Variants in SLC35F3 observed in about 807,000 individuals in gnomAD.
SLC35F3 encodes the protein solute carrier family 35 member F3, also known as putative thiamine transporter SLC35F3.
Under a neutral mutation model 49.9 loss-of-function variants are expected in SLC35F3, and 25 were observed. The observed-to-expected ratio is 0.50, with a 90% confidence interval of 0.37 to 0.70. SLC35F3 has a LOEUF of 0.70. SLC35F3 is among the 30% of genes least tolerant of loss of function. The probability of loss-of-function intolerance (pLI) is 0.00; values close to 1 mark genes in which losing one functional copy is unlikely to be tolerated. For synonymous variants in SLC35F3, 275 were observed against 265.4 expected, an observed-to-expected ratio of 1.04 and a Z score of -0.35; for missense variants, 525 against 639.8, an observed-to-expected ratio of 0.82 and a Z score of 1.94.
intron 2 of SLC35F3, among the ~76,000 whole-genome samples, chr1:234,075,088 C>T (rs1290631022): frequency 2.0e-5 from 3 of 151,986 alleles, no homozygotes; most frequent in African/African-American, 2.4e-5. Flanking sequence ...TGAGATACAC[C>T]GATGAGAGAG....
At chr1:233,912,795 T>C (rs12088494) in intron 2 of SLC35F3, among the ~76,000 whole-genome samples, 2,017 of 152,276 alleles carry the variant, frequency 0.013, 47 homozygotes, top group African/African-American at 0.044. Flanking sequence ...AATTCAAAAC[T>C]TGTGATATGT....
chr1:234,256,181 A>G (rs1489005669), intron 3 of SLC35F3, among the ~76,000 whole-genome samples: 1 of 152,254 alleles, frequency 6.6e-6, no homozygotes, highest in African/African-American at 2.4e-5. Flanking sequence ...GAATCTAAAA[A>G]TGGTGAAAAG....
At chr1:233,950,520 C>G (rs1379055738) in intron 2 of SLC35F3, among the ~76,000 whole-genome samples, 3 of 141,580 alleles carry the variant, frequency 2.1e-5, no homozygotes, top group Non-Finnish European at 4.6e-5. Flanking sequence ...TCCTTCCTTC[C>G]TTTTTCCTTC....
chr1:233,917,567 G>T (rs1229604430), intron 2 of SLC35F3, among the ~76,000 whole-genome samples: 2 of 151,958 alleles, frequency 1.3e-5, no homozygotes, highest in Non-Finnish European at 2.9e-5. Context: ...TTTCTTTCCA[G>T]CTCTAAAAAA....
chr1:234,082,123 A>G (rs1664887030), intron 2 of SLC35F3, among the ~76,000 whole-genome samples: 1 of 151,698 alleles, frequency 6.6e-6, no homozygotes, highest in African/African-American at 2.4e-5. Flanking sequence ...ACTGAATTTT[A>G]TATTAATATA....
intron 2 of SLC35F3, among the ~76,000 whole-genome samples, chr1:234,080,783 C>T (rs1463968583): frequency 1.3e-5 from 2 of 152,122 alleles, no homozygotes; most frequent in African/African-American, 2.4e-5. Context: ...AATGGTTACT[C>T]ACAGGTATAA....
chr1:234,078,725 T>A (rs79948822), intron 2 of SLC35F3, among the ~76,000 whole-genome samples: 3,018 of 152,344 alleles, frequency 0.02, 96 homozygotes, highest in African/African-American at 0.068. Context: ...TAAGTCCTTT[T>A]CTATGGCTAA....
chr1:234,039,488 A>C (rs1365662006), intron 2 of SLC35F3, among the ~76,000 whole-genome samples: 1 of 152,204 alleles, frequency 6.6e-6, no homozygotes, highest in East Asian at 1.9e-4. Context: ...GAGCAACATT[A>C]AACTGTATTC....
At chr1:233,974,889 CGTAAT>C (rs567840101) in intron 2 of SLC35F3, among the ~76,000 whole-genome samples, 59 of 152,252 alleles carry the variant, frequency 3.9e-4, no homozygotes, top group African/African-American at 1.4e-3. Context: ...TACCACATAA[CGTAAT>C]GTTGGAGAAG....
At chr1:234,079,448 G>A (rs1383102689) in intron 2 of SLC35F3, among the ~76,000 whole-genome samples, 1 of 152,094 alleles carries the variant, frequency 6.6e-6, no homozygotes, top group East Asian at 1.9e-4. Flanking sequence ...AGATACTTTG[G>A]ACTTCAGAGT....
chr1:233,929,977 A>T (rs756597671), intron 2 of SLC35F3, among the ~76,000 whole-genome samples: 2 of 152,108 alleles, frequency 1.3e-5, no homozygotes, highest in Non-Finnish European at 2.9e-5. Flanking sequence ...GGTGAGGAAG[A>T]TGACAGAAAT....
At chr1:234,316,767 TC>T (rs1284232281) in intron 5 of SLC35F3, 40 bp downstream of exon 5, 2 of 1,581,612 alleles carry the variant, frequency 1.3e-6, no homozygotes, top group Admixed American at 3.4e-5. Flanking sequence ...GGCTGGGCTC[TC>T]CTCAGCCAGC....
intron 2 of SLC35F3, among the ~76,000 whole-genome samples, chr1:234,029,420 C>A (rs956298799): frequency 1.3e-5 from 2 of 152,144 alleles, no homozygotes; most frequent in Non-Finnish European, 2.9e-5. Flanking sequence ...TCAATGGTGA[C>A]GGGTCTTACA....
intron 2 of SLC35F3, among the ~76,000 whole-genome samples, chr1:234,176,994 C>T (rs996385791): frequency 1.2e-4 from 19 of 152,256 alleles, no homozygotes; most frequent in Middle Eastern, 3.4e-3. Flanking sequence ...TTGGCTGTGT[C>T]GCCACCCAAG....
intron 2 of SLC35F3, among the ~76,000 whole-genome samples, chr1:234,192,862 A>C (rs546569118): frequency 9.8e-5 from 15 of 152,290 alleles, no homozygotes; most frequent in African/African-American, 3.1e-4. Flanking sequence ...AAAATCAAAT[A>C]AAATAAAATA....
chr1:233,994,193 TGATA>T (rs943226449), intron 2 of SLC35F3, among the ~76,000 whole-genome samples: 15 of 152,184 alleles, frequency 9.9e-5, no homozygotes, highest in Admixed American at 2.6e-4. Context: ...ATTATATTAA[TGATA>T]GATAGATAAA....
At chr1:233,930,529 A>G (rs1458091442) in intron 2 of SLC35F3, among the ~76,000 whole-genome samples, 1 of 152,146 alleles carries the variant, frequency 6.6e-6, no homozygotes, top group Non-Finnish European at 1.5e-5. Context: ...GAACTTTGAA[A>G]AAAGGCCTTA....
At chr1:234,033,383 G>GT (rs1369730709) in intron 2 of SLC35F3, among the ~76,000 whole-genome samples, 1 of 152,060 alleles carries the variant, frequency 6.6e-6, no homozygotes, top group Non-Finnish European at 1.5e-5. Flanking sequence ...ATTTATCTTT[G>GT]TTTTTGTTGC....
chr1:234,306,285 C>T lies in SLC35F3; in HGVS notation c.609-2816C>T, dbSNP rs191347721. On this transcript the variant is annotated intron_variant, in intron 3 of 7. Transcript: ENST00000366618. The stretch of plus-strand genomic sequence containing the variant: ...AAGTGATTCTCCTGCCTCAGGCTCC[C>T]GAGTAGCTGGGATTACCGGTGCTCA... Among the ~76,000 whole-genome samples the T allele has an allele frequency of 1.6e-3, 237 of 152,192 alleles. 1 individual carries two copies. Among genetic ancestry groups the T allele is most frequent in the Non-Finnish European group, 3.7e-4 (25 of 68,012 alleles).
Sources: allele counts gnomAD v4.1 joint callset (sites outside exome capture counted in the v4.1 genomes callset), GRCh38; gene constraint gnomAD v4.1.1; transcripts MANE v1.5; gene names NCBI Gene and HGNC (gene_info 2026-07-23, HGNC 2026-07-21).